The following DPP10 variants were observed in gnomAD, a reference collection of about 807,000 sequenced individuals.
DPP10 encodes the protein dipeptidyl peptidase like 10, also known as inactive dipeptidyl peptidase 10.
A neutral mutation model predicts 120.9 loss-of-function variants in DPP10; 33 were observed. That is an observed-to-expected ratio of 0.27 (90% CI 0.21 to 0.37). The LOEUF is 0.37. Among genes scored for constraint, DPP10 ranks in the 10% least tolerant of loss-of-function variants. The pLI, the probability that DPP10 is intolerant of heterozygous loss-of-function variation, is 1.00. For missense variants in DPP10, 816 were observed against 942.8 expected (o/e 0.87, Z 1.76); for synonymous variants, 337 against 326.1 (o/e 1.03, Z -0.36).
intron 1 of DPP10, among the ~76,000 whole-genome samples, chr2:114,474,059 G>A (rs1370385427): frequency 6.6e-6 from 1 of 152,184 alleles, no homozygotes; most frequent in Admixed American, 6.5e-5. Context: ...CCAGGTTCAA[G>A]CTATTCTCCC....
At chr2:115,151,290 CT>C (rs1435527951) in intron 1 of DPP10, among the ~76,000 whole-genome samples, 5 of 152,000 alleles carry the variant, frequency 3.3e-5, no homozygotes, top group African/African-American at 9.6e-5. Flanking sequence ...CCAAGTAATT[CT>C]TTTTTTCCTC....
intron 1 of DPP10, among the ~76,000 whole-genome samples, chr2:114,526,696 G>A (rs1209343484): frequency 2.4e-4 from 36 of 152,014 alleles, no homozygotes; most frequent in Admixed American, 2.0e-3. Flanking sequence ...CTGTGTCCTC[G>A]CATGATGGAA....
At chr2:115,158,554 T>A (rs898434417) in intron 1 of DPP10, among the ~76,000 whole-genome samples, 1 of 152,198 alleles carries the variant, frequency 6.6e-6, no homozygotes, top group Non-Finnish European at 1.5e-5. Context: ...TTCTAGGAAA[T>A]CTTCCTGAAT....
At chr2:114,550,487 G>A (rs1287456124) in intron 1 of DPP10, among the ~76,000 whole-genome samples, 1 of 152,208 alleles carries the variant, frequency 6.6e-6, no homozygotes, top group Non-Finnish European at 1.5e-5. Context: ...CTGGGACTTC[G>A]ACCAGACATC....
intron 1 of DPP10, among the ~76,000 whole-genome samples, chr2:114,632,792 G>T (rs558810302): frequency 6.6e-6 from 1 of 152,160 alleles, no homozygotes; most frequent in East Asian, 1.9e-4. Context: ...GATTACAGGC[G>T]TGAGCCACTG....
At chr2:115,113,213 T>C (rs1353616052) in intron 1 of DPP10, among the ~76,000 whole-genome samples, 1 of 151,856 alleles carries the variant, frequency 6.6e-6, no homozygotes, top group Admixed American at 6.6e-5. Context: ...GTGTTTGTTT[T>C]GTATGTTTTA....
At chr2:115,124,936 A>G (rs1453370263) in intron 1 of DPP10, among the ~76,000 whole-genome samples, 1 of 152,212 alleles carries the variant, frequency 6.6e-6, no homozygotes, top group Non-Finnish European at 1.5e-5. Context: ...GCAAGAGGAC[A>G]GCCAGGGACA....
intron 1 of DPP10, among the ~76,000 whole-genome samples, chr2:114,475,049 G>T (rs527816979): frequency 6.6e-6 from 1 of 152,282 alleles, no homozygotes; most frequent in African/African-American, 2.4e-5. Context: ...AGGGAGAAAG[G>T]CTTCTATAGA....
intron 1 of DPP10, among the ~76,000 whole-genome samples, chr2:115,291,222 T>A (rs2060640859): frequency 6.6e-6 from 1 of 152,098 alleles, no homozygotes; most frequent in Non-Finnish European, 1.5e-5. Flanking sequence ...CAGGCTGATC[T>A]TGAGCTCCTG....
At chr2:115,414,418 G>A (rs1403701158) in intron 3 of DPP10, among the ~76,000 whole-genome samples, 1 of 151,966 alleles carries the variant, frequency 6.6e-6, no homozygotes, top group Non-Finnish European at 1.5e-5. Context: ...TCTCAACACT[G>A]AATACTGTTT....
chr2:115,632,434 G>A (rs1392037753), intron 5 of DPP10, among the ~76,000 whole-genome samples: 1 of 151,808 alleles, frequency 6.6e-6, no homozygotes, highest in East Asian at 1.9e-4. Flanking sequence ...TGATTTGTGT[G>A]TCCTTGGTCT....
At chr2:115,790,952 A>C in intron 17 of DPP10, 129 bp from the exon 18 acceptor site, 1 of 556,956 alleles carries the variant, frequency 1.8e-6, no homozygotes. Flanking sequence ...GTAATTCAAA[A>C]GAGAAATGAT....
intron 24 of DPP10, among the ~76,000 whole-genome samples, chr2:115,839,673 CAA>C (rs57734176): frequency 8.8e-5 from 8 of 90,500 alleles, no homozygotes; most frequent in South Asian, 4.4e-4. Context: ...GACTCCATCT[CAA>C]AAAAAAAAAA....
At chr2:115,739,629 A>G (rs1677004806) in intron 8 of DPP10, 110 bp from the exon 9 acceptor site, 1 of 1,156,366 alleles carries the variant, frequency 8.6e-7, no homozygotes, top group Non-Finnish European at 1.2e-6. Context: ...AAAATTCAAT[A>G]CACAGTCTAG....
chr2:115,224,746 A>G (rs2057351446), intron 1 of DPP10, among the ~76,000 whole-genome samples: 1 of 152,230 alleles, frequency 6.6e-6, no homozygotes, highest in African/African-American at 2.4e-5. Context: ...TATACAAGGT[A>G]TATTTATTTT....
intron 1 of DPP10, among the ~76,000 whole-genome samples, chr2:114,595,644 G>A (rs1042627726): frequency 3.9e-5 from 6 of 152,066 alleles, no homozygotes; most frequent in Admixed American, 3.9e-4. Context: ...GTGGAGGATG[G>A]GAAAGCATAA....
intron 3 of DPP10, among the ~76,000 whole-genome samples, chr2:115,432,656 A>ATTT (rs778067459): frequency 1.5e-5 from 1 of 66,706 alleles, no homozygotes; most frequent in Non-Finnish European, 3.6e-5. Context: ...GCCATAGGCA[A>ATTT]TTTTGTGTGT....
chr2:114,594,987 TTC>T lies in DPP10; in HGVS notation c.60+152155_60+152156del, dbSNP rs570098414. Among the ~76,000 whole-genome samples, 639 of 152,234 alleles carry T rather than the reference TTC, an allele frequency of 4.2e-3. 2 individuals carry two copies. Among genetic ancestry groups the T allele is most frequent in the Middle Eastern group, 0.02 (6 of 294 alleles). On this transcript the variant is annotated intron_variant, in intron 1 of 25. Transcript: ENST00000410059. ...CTGCATGTTCTCTCCTTCCAGATTA[TTC>T]TCTCTTGGTGTTTGTTCTATGCTTT...
intron 1 of DPP10, among the ~76,000 whole-genome samples, chr2:114,491,249 G>A (rs188366785): frequency 4.5e-4 from 68 of 152,154 alleles, no homozygotes; most frequent in Admixed American, 3.1e-3. Flanking sequence ...AAAATACAAT[G>A]AAGAAATAAA....
Sources: gnomAD v4.1 joint callset for allele counts (sites outside exome capture counted in the v4.1 genomes callset) on GRCh38, gnomAD v4.1.1 for gene constraint, MANE v1.5 for transcripts, NCBI Gene and HGNC (gene_info 2026-07-23, HGNC 2026-07-21) for gene names.